Variants in NT5C2 observed in about 807,000 individuals in gnomAD.
NT5C2 encodes the protein 5'-nucleotidase, cytosolic II, also known as cytosolic purine 5'-nucleotidase.
Under a neutral mutation model 76.1 loss-of-function variants are expected in NT5C2, and 58 were observed. The ratio of observed to expected loss-of-function variants is 0.76; its 90% confidence interval spans 0.62 to 0.95. NT5C2 has a LOEUF of 0.95. Among genes scored for constraint, NT5C2 ranks in the 40% least tolerant of loss-of-function variants. NT5C2 has a pLI of 0.00. For missense variants in NT5C2, 478 were observed against 690.3 expected, an observed-to-expected ratio of 0.69 and a Z score of 3.45; for synonymous variants, 229 against 237.4, an observed-to-expected ratio of 0.96 and a Z score of 0.32.
At chr10:103,122,100 G>A (rs2075781509) in intron 4 of NT5C2, among the ~76,000 whole-genome samples, 1 of 152,098 alleles carries the variant, frequency 6.6e-6, no homozygotes, top group Non-Finnish European at 1.5e-5. Flanking sequence ...CTTGAATCCG[G>A]GAGGAGGGGG....
chr10:103,186,475 T>C (rs2135426723), intron 1 of NT5C2, among the ~76,000 whole-genome samples: 1 of 152,330 alleles, frequency 6.6e-6, no homozygotes, highest in South Asian at 2.1e-4. Flanking sequence ...ATCACGTCAA[T>C]TAAAGTATCC....
intron 1 of NT5C2, among the ~76,000 whole-genome samples, chr10:103,183,946 G>GTT (rs879819187): frequency 2.1e-5 from 3 of 139,604 alleles, no homozygotes; most frequent in East Asian, 2.1e-4. Flanking sequence ...TAAGTTTTTG[G>GTT]TTTTTTTTTT....
At position 103,089,696 on chromosome 10, in the gene NT5C2, T is replaced by C. The variant is rs116702241; in HGVS notation, c.1662A>G (p.Glu554=). The change falls in exon 19 of 19, where the codon GAA becomes GAG. Residue 554 remains glutamate (E), a synonymous_variant. Transcript: ENST00000404739. The stretch of plus-strand genomic sequence containing the variant: ...CTTATTCTTCCTCCTCCTCCTCCTC[T>C]TCATCATCATCTTCGTCATGGCAGT... ...ITHCHDEDDD[E]EEEEEEE 334 of 1,609,740 alleles carry C rather than the reference T, an allele frequency of 2.1e-4. No individual in the cohort carries two copies. Among genetic ancestry groups the C allele is most frequent in the Middle Eastern group, 1.7e-4 (1 of 5,930 alleles).
chr10:103,103,788 A>AG (rs2070428770), intron 6 of NT5C2, among the ~76,000 whole-genome samples: 1 of 152,192 alleles, frequency 6.6e-6, no homozygotes, highest in Non-Finnish European at 1.5e-5. Context: ...CCACTGTAAT[A>AG]GCTTCGATAA....
chr10:103,154,656 G>A (rs797006336), intron 3 of NT5C2, among the ~76,000 whole-genome samples: 6 of 152,224 alleles, frequency 3.9e-5, no homozygotes, highest in South Asian at 2.1e-4. Flanking sequence ...ACATGTAAGC[G>A]CTCCAAGAAC....
At chr10:103,104,454 A>T (rs1205058840) in intron 6 of NT5C2, among the ~76,000 whole-genome samples, 2 of 152,224 alleles carry the variant, frequency 1.3e-5, no homozygotes, top group African/African-American at 4.8e-5. Context: ...CTGAGTTATG[A>T]TGACAATATC....
intron 4 of NT5C2, among the ~76,000 whole-genome samples, chr10:103,120,665 G>T (rs1036643213): frequency 1.3e-5 from 2 of 152,164 alleles, no homozygotes; most frequent in Admixed American, 1.3e-4. Flanking sequence ...GAAGAAACTG[G>T]AACTCTCATT....
chr10:103,144,710 A>G (rs1166805750), intron 3 of NT5C2, among the ~76,000 whole-genome samples: 2 of 152,170 alleles, frequency 1.3e-5, no homozygotes, highest in African/African-American at 2.4e-5. Flanking sequence ...TATTCAATCA[A>G]CACATTCATT....
intron 3 of NT5C2, among the ~76,000 whole-genome samples, chr10:103,148,685 GA>G (rs935813128): frequency 3.3e-5 from 5 of 151,288 alleles, no homozygotes; most frequent in Admixed American, 2.6e-4. Context: ...CTAAAAATCT[GA>G]ACAAATGTGT....
intron 16 of NT5C2, 70 bp downstream of exon 16, chr10:103,091,494 G>A (rs2066868977): frequency 1.6e-6 from 2 of 1,238,616 alleles, no homozygotes; most frequent in Non-Finnish European, 2.4e-6. Context: ...TACTGGCCTG[G>A]AAAGAACATT....
At chr10:103,157,264 C>A (rs975817087) in intron 3 of NT5C2, among the ~76,000 whole-genome samples, 2 of 151,876 alleles carry the variant, frequency 1.3e-5, no homozygotes, top group African/African-American at 4.8e-5. Context: ...ATCCAAGGAA[C>A]TAAAAAACAC....
chr10:103,180,031 T>G (rs1468930242), intron 2 of NT5C2, among the ~76,000 whole-genome samples: 2 of 152,146 alleles, frequency 1.3e-5, no homozygotes, highest in Non-Finnish European at 2.9e-5. Flanking sequence ...GTATCCAGAA[T>G]ATAGGAAGAG....
Position 103,139,482 on chromosome 10 carries a change from A to G in NT5C2, c.102-3T>C. ...CTAAACTTCGGTTCACAAACACCCT[A>G]TAGAAAATAATAAAAAATAATATCT... On this transcript the variant is annotated splice_region_variant and splice_polypyrimidine_tract_variant and intron_variant, in intron 3 of 18. Coordinates refer to ENST00000404739, the MANE Select transcript of NT5C2 (RefSeq NM_001351169.2). The G allele has an allele frequency of 6.5e-7, 1 of 1,541,416 alleles. No individual in the cohort carries two copies. Among genetic ancestry groups the G allele is most frequent in the East Asian group, 2.4e-5 (1 of 41,654 alleles).
At chr10:103,139,878 T>G (rs2080063437) in intron 3 of NT5C2, among the ~76,000 whole-genome samples, 1 of 152,166 alleles carries the variant, frequency 6.6e-6, no homozygotes, top group Non-Finnish European at 1.5e-5. Context: ...AACTGCAACT[T>G]TGTACCCTTT....
chr10:103,189,266 TG>T (rs1302057870), intron 1 of NT5C2, among the ~76,000 whole-genome samples: 1 of 152,164 alleles, frequency 6.6e-6, no homozygotes, highest in Non-Finnish European at 1.5e-5. Flanking sequence ...AATAATATAA[TG>T]ATCATTTGAT....
At chr10:103,190,542 C>A (rs527478499) in intron 1 of NT5C2, among the ~76,000 whole-genome samples, 2 of 152,136 alleles carry the variant, frequency 1.3e-5, no homozygotes, top group Non-Finnish European at 2.9e-5. Flanking sequence ...TCTATTTAAT[C>A]CACATAACTC....
chr10:103,180,300 A>G (rs530688746), intron 2 of NT5C2, among the ~76,000 whole-genome samples: 2 of 152,352 alleles, frequency 1.3e-5, no homozygotes, highest in Admixed American at 1.3e-4. Context: ...CACTGCTGGA[A>G]AGAAAATAAA....
intron 3 of NT5C2, among the ~76,000 whole-genome samples, chr10:103,151,959 C>T (rs2082488234): frequency 6.6e-6 from 1 of 152,102 alleles, no homozygotes. Flanking sequence ...GTTACAGTGT[C>T]CTAGAGGGGT....
chr10:103,153,210 T>C, intron 3 of NT5C2: 1 of 1,034,754 alleles, frequency 9.7e-7, no homozygotes, highest in Non-Finnish European at 1.3e-6. Flanking sequence ...CTGGTAGCAC[T>C]GCTTATTAAT....
Sources: gnomAD v4.1 joint callset for allele counts (sites outside exome capture counted in the v4.1 genomes callset) on GRCh38, gnomAD v4.1.1 for gene constraint, MANE v1.5 for transcripts, NCBI Gene and HGNC (gene_info 2026-07-23, HGNC 2026-07-21) for gene names.